Variants in HSPG2 observed in about 807,000 individuals in gnomAD.
HSPG2 encodes heparan sulfate proteoglycan 2, also known as basement membrane-specific heparan sulfate proteoglycan core protein.
A neutral mutation model predicts 526.6 loss-of-function variants in HSPG2; 278 were observed. The observed-to-expected ratio is 0.53, with a 90% CI of 0.48 to 0.58. The LOEUF (loss-of-function observed/expected upper bound fraction) is 0.58, where lower values mean the gene tolerates loss of function less well. Among genes scored for constraint, HSPG2 ranks in the 20% least tolerant of loss-of-function variants. HSPG2 has a pLI of 0.00. For synonymous variants in HSPG2, 2,465 were observed against 2,555.4 expected (o/e 0.96, Z 1.07); for missense variants, 5,354 against 6,099.5 (o/e 0.88, Z 4.07).
intron 33 of HSPG2, among the ~76,000 whole-genome samples, chr1:21,869,882 C>T (rs1003616679): frequency 2.0e-5 from 3 of 152,200 alleles, no homozygotes; most frequent in Non-Finnish European, 4.4e-5. Flanking sequence ...GCCTATGGGC[C>T]GTGACTGATG....
In HSPG2 at chr1:21,872,619, C is replaced by T. The variant is rs779249304; in HGVS notation, c.4029+1G>A. On this transcript the variant is annotated splice_donor_variant, in intron 32 of 96. Transcript: ENST00000374695. LOFTEE classifies it high-confidence loss of function. This position sits in a 1 kb window ranked among gnomAD's most constrained non-coding sequence, Gnocchi z 5.5. ...TGGGGCTGGGCAGCACAGGCTCTCA[C>T]CAGGTGGCGTGTGTAGGCAGAGCTG... 1.9e-6 allele frequency: 3 copies of T among 1,583,342 alleles called. No homozygotes were observed. The South Asian group carries it at 3.5e-5, about 18-fold the overall frequency.
In HSPG2 at chr1:21,833,932, G is replaced by T; in HGVS notation, c.10721-7C>A. 6.4e-7 allele frequency: 1 copy of T among 1,565,086 alleles called. No homozygotes were observed. Among genetic ancestry groups the T allele is most frequent in the Non-Finnish European group, 8.7e-7 (1 of 1,151,508 alleles). The stretch of plus-strand genomic sequence containing the variant: ...ATTGAGATCTGGGGCAAGGCTGAGA[G>T]GCATGGAAGAGACATAGGCCATCAA... On this transcript the variant is annotated splice_polypyrimidine_tract_variant and splice_region_variant and intron_variant, in intron 77 of 96. Transcript: ENST00000374695.
chr1:21,890,608 C>A lies in HSPG2; in HGVS notation c.331G>T (p.Val111Leu), dbSNP rs1346960283. Residue 111 changes from valine to leucine, a missense_variant, in exon 4 of 97, where the codon GTG (valine) becomes TTG (leucine). Val to Leu is a conservative substitution (Grantham distance 32, BLOSUM62 1). Transcript: ENST00000374695. This position sits in a 1 kb window ranked among gnomAD's most constrained non-coding sequence, Gnocchi z 4.1. ...EDAGSREFRE[V>L]SEAVVDTLES... ...ACCGTGTCTACCACAGCCTCGGACA[C>A]CTCTCGGAACTCTCTGGAGCCTGCA... 6.8e-6 allele frequency: 11 copies of A among 1,613,612 alleles called. No individual in the cohort carries two copies. The highest frequency in any genetic ancestry group is 9.3e-6 in the Non-Finnish European group (11 of 1,179,598).
chr1:21,906,485 G>A (rs1034071307), intron 1 of HSPG2, among the ~76,000 whole-genome samples: 1 of 152,226 alleles, frequency 6.6e-6, no homozygotes, highest in Non-Finnish European at 1.5e-5. Flanking sequence ...AGAAGAGGAA[G>A]GGGCAGGCAG....
chr1:21,916,069 AAG>A (rs745934063), intron 1 of HSPG2, among the ~76,000 whole-genome samples: 36,726 of 124,356 alleles, frequency 0.3, 5,705 homozygotes, highest in East Asian at 0.67. Flanking sequence ...AAAGAAGAAG[AAG>A]AAAAAAAAAA....
Position 21,842,239 on chromosome 1 carries a change from G to A in HSPG2, c.9052C>T (p.Arg3018Cys), listed in dbSNP as rs767194703. ...TVPPSEGSSYRLRSPVISIDP... is the reference protein window; with the variant it reads ...TVPPSEGSSYCLRSPVISIDP... ...TGCCCATGGCATCTGCCATACTCAC[G>A]GTAGGAAGACCCCTCACTGGGCGGG... Residue 3018 changes from arginine to cysteine, a missense_variant and splice_region_variant, in exon 68 of 97, where the codon CGC (arginine) becomes TGC (cysteine). Arg to Cys is a radical substitution (Grantham distance 180). Coordinates refer to ENST00000374695, the MANE Select transcript of HSPG2 (RefSeq NM_005529.7). 6 of 1,613,476 alleles carry A rather than the reference G, an allele frequency of 3.7e-6. No homozygotes were observed. The highest frequency in any genetic ancestry group is 3.3e-5 in the Admixed American group (2 of 59,972).
At position 21,836,794 on chromosome 1, in the gene HSPG2, C is replaced by T. The variant is rs1298748446; in HGVS notation, c.10355+8G>A. 6.5e-7 allele frequency: 1 copy of T among 1,550,182 alleles called. No homozygotes were observed. The highest frequency in any genetic ancestry group is 1.2e-5 in the South Asian group (1 of 84,730). On this transcript the variant is annotated splice_region_variant and intron_variant, in intron 75 of 96. Coordinates refer to ENST00000374695, the MANE Select transcript of HSPG2 (RefSeq NM_005529.7). ...CCCAAGTCCAGTCCTGCCCCCGGCC[C>T]CACTCACCGGAGCACCCCATCCTGC...
Position 21,895,989 on chromosome 1 carries a change from A to G in HSPG2, c.200-23T>C, listed in dbSNP as rs1228796311. ...CGTCTATAAGCAAAAAAGAGATGTA[A>G]TCAGCAACAACAAGTATTTGTTGAG... On this transcript the variant is annotated intron_variant, in intron 2 of 96. Coordinates refer to ENST00000374695, the MANE Select transcript of HSPG2 (RefSeq NM_005529.7). This position sits in a 1 kb window ranked among gnomAD's most constrained non-coding sequence, Gnocchi z 4.1. 1 of 1,613,414 alleles carries G rather than the reference A, an allele frequency of 6.2e-7. No individual in the cohort carries two copies. Among genetic ancestry groups the G allele is most frequent in the Non-Finnish European group, 8.5e-7 (1 of 1,179,532 alleles).
rs1639039502 is a variant in HSPG2, at chr1:21,853,044, T to C, written c.6466A>G (p.Ile2156Val). The C allele has an allele frequency of 6.2e-7, 1 of 1,613,856 alleles. No homozygotes were observed. Among genetic ancestry groups the C allele is most frequent in the East Asian group, 2.2e-5 (1 of 44,862 alleles). The change falls in exon 51 of 97, where the codon ATC becomes GTC. Residue 2156 changes from isoleucine (I) to valine (V), a missense_variant. Transcript: ENST00000374695. ...GCCACGTGTGAGGAGGAGGGCTCGA[T>C]GCGGATGGGCCGGGTGCTGCCGGGC... ...PVPGSTRPIR[I>V]EPSSSHVAEG...
chr1:21,857,921 C>T (rs1639467464), intron 42 of HSPG2, among the ~76,000 whole-genome samples: 1 of 152,216 alleles, frequency 6.6e-6, no homozygotes, highest in Non-Finnish European at 1.5e-5. Context: ...CCCCATCCCA[C>T]TGCTGCGCCT....
At chr1:21,875,478 G>T in intron 25 of HSPG2, 151 bp downstream of exon 25, 1 of 711,452 alleles carries the variant, frequency 1.4e-6, no homozygotes, top group Non-Finnish European at 2.5e-6. Flanking sequence ...CAGCCTGTAT[G>T]GGAGACATTG....
chr1:21,837,084 C>T, intron 74 of HSPG2, 78 bp from the exon 75 acceptor site: 1 of 1,323,412 alleles, frequency 7.6e-7, no homozygotes, highest in South Asian at 1.3e-5. Context: ...CCCAGGAAAC[C>T]CCCAGCCCAA....
Position 21,898,607 on chromosome 1 carries a change from C to T in HSPG2, c.64-2297G>A, listed in dbSNP as rs990758361. ...GTTAGAACCGTAAGACCAGCCCCTA[C>T]CAGGCGCTCTGCCTCCTTCCCTGGG... On this transcript the variant is annotated intron_variant, in intron 1 of 96. Coordinates refer to ENST00000374695, the MANE Select transcript of HSPG2 (RefSeq NM_005529.7). This position sits in a 1 kb window ranked among gnomAD's most constrained non-coding sequence, Gnocchi z 4.0. Among the ~76,000 whole-genome samples the T allele has an allele frequency of 3.3e-5, 5 of 152,256 alleles. No homozygotes were observed. Among genetic ancestry groups the T allele is most frequent in the Non-Finnish European group, 1.5e-5 (1 of 68,046 alleles).
chr1:21,855,223 G>T, intron 47 of HSPG2, 81 bp downstream of exon 47: 1 of 1,509,958 alleles, frequency 6.6e-7, no homozygotes, highest in Non-Finnish European at 8.9e-7. Context: ...GTGGGGTGGG[G>T]CGTGAAGGGG....
intron 6 of HSPG2, 48 bp downstream of exon 6, chr1:21,889,933 A>G (rs1022189707): frequency 3.7e-6 from 6 of 1,606,296 alleles, no homozygotes; most frequent in Non-Finnish European, 4.3e-6. Context: ...CTGAAAGGGG[A>G]CCCCACGAGT....
chr1:21,919,031 C>G (rs1437958471), intron 1 of HSPG2, among the ~76,000 whole-genome samples: 1 of 152,246 alleles, frequency 6.6e-6, no homozygotes, highest in Non-Finnish European at 1.5e-5. Context: ...TTCCTGCCCC[C>G]ATCTTTCCCC....
At position 21,890,443 on chromosome 1, in the gene HSPG2, T is replaced by G. The variant is rs1255929444; in HGVS notation, c.397A>C (p.Ser133Arg). ...YLKIPGDQVV[S>R]VVFIKELDGW... ...CCTTCTCACTTGATGAACACCACAC[T>G]GACAACCTGGTCTCCGGGAATTTTC... The change falls in exon 5 of 97, where the codon AGT becomes CGT. Residue 133 changes from serine to arginine, a missense_variant. By Grantham distance (110) the Ser-to-Arg change is moderately radical. Transcript: ENST00000374695. This position sits in a 1 kb window ranked among gnomAD's most constrained non-coding sequence, Gnocchi z 4.1. 1.2e-6 allele frequency: 2 copies of G among 1,613,690 alleles called. No individual in the cohort carries two copies.
rs1644513265 is a variant in HSPG2, at chr1:21,937,195, G to GCGCCCGC, written c.16_22dup (p.Ala8GlyfsTer31). Reference sequence around the variant, plus strand: ...GTGCAGCAGCAGCGCCAGCAGCAGCGCGCCCGCCGCCCGCCACCCCATGGC... The same window carrying GCGCCCGC: ...GTGCAGCAGCAGCGCCAGCAGCAGCGCGCCCGCCGCCCGCCGCCCGCCACCCCATGGC... On this transcript the variant is annotated frameshift_variant, in exon 1 of 97. Coordinates refer to ENST00000374695, the MANE Select transcript of HSPG2 (RefSeq NM_005529.7). LOFTEE classifies it high-confidence loss of function. 2.8e-6 allele frequency: 3 copies of GCGCCCGC among 1,085,102 alleles called. No homozygotes were observed. The highest frequency in any genetic ancestry group is 2.3e-6 in the Non-Finnish European group (2 of 883,852). 67.2% of individuals were successfully genotyped at this position (1,085,102 alleles called of 1,614,324 possible). A position where few individuals can be genotyped will look rare whatever the true frequency, so the allele number is the denominator to read the frequency against.
Position 21,890,768 on chromosome 1 carries a change from A to G in HSPG2, c.245-74T>C, listed in dbSNP as rs1477745440. Reference sequence around the variant, plus strand: ...GTGGCCTTAGGCAGTTGGACCATTCAGGCAGAGTTGGGGGGATGGCCCCCA... The same window carrying G: ...GTGGCCTTAGGCAGTTGGACCATTCGGGCAGAGTTGGGGGGATGGCCCCCA... On this transcript the variant is annotated intron_variant, in intron 3 of 96. Coordinates refer to ENST00000374695, the MANE Select transcript of HSPG2 (RefSeq NM_005529.7). The surrounding 1 kb of genome is among the most constrained non-coding windows in gnomAD (Gnocchi z 4.1). The G allele has an allele frequency of 2.6e-6, 3 of 1,145,598 alleles. No individual in the cohort carries two copies. Among genetic ancestry groups the G allele is most frequent in the Non-Finnish European group, 3.9e-6 (3 of 768,824 alleles). 71.0% of individuals were successfully genotyped at this position (1,145,598 alleles called of 1,614,324 possible).
Sources: gnomAD v4.1 joint callset for allele counts (sites outside exome capture counted in the v4.1 genomes callset) on GRCh38, gnomAD v4.1.1 for gene constraint, Gnocchi (gnomAD v3.1) non-coding constraint, MANE v1.5 for transcripts, NCBI Gene and HGNC (gene_info 2026-07-23, HGNC 2026-07-21) for gene names.